RTTN: variants seen among roughly 807,000 people sequenced by gnomAD.
RTTN encodes rotatin.
In RTTN, 182 loss-of-function variants were observed where a neutral mutation model predicts 269.2. The observed-to-expected ratio is 0.68, with a 90% CI of 0.60 to 0.76. The LOEUF (loss-of-function observed/expected upper bound fraction) is 0.76. Among genes scored for constraint, RTTN ranks in the 30% least tolerant of loss-of-function variants. RTTN has a pLI of 0.00. For missense variants in RTTN, 2,545 were observed against 2,608.6 expected (o/e 0.98, Z 0.53); for synonymous variants, 1,006 against 963.5 (o/e 1.04, Z -0.82).
chr18:70,074,119 G>C lies in RTTN; in HGVS notation c.4565-125C>G, dbSNP rs73964495. 9.9e-4 allele frequency: 557 copies of C among 560,696 alleles called. 4 individuals carry two copies. The highest frequency in any genetic ancestry group is 9.8e-3 in the African/African-American group (503 of 51,148). 34.7% of individuals were successfully genotyped at this position (560,696 alleles called of 1,614,324 possible). A position where few individuals can be genotyped will look rare whatever the true frequency, so the allele number is the denominator to read the frequency against. The stretch of plus-strand genomic sequence containing the variant: ...AAAGGAAAAAACTTATATGGATCTG[G>C]CTTCTGAGATAGACCACTATTTAAA... On this transcript the variant is annotated intron_variant, in intron 33 of 48. Coordinates refer to ENST00000640769, the MANE Select transcript of RTTN (RefSeq NM_173630.4).
intron 32 of RTTN, among the ~76,000 whole-genome samples, chr18:70,078,664 C>A (rs1445880928): frequency 6.6e-6 from 1 of 151,648 alleles, no homozygotes; most frequent in African/African-American, 2.4e-5. Flanking sequence ...TCCTGGAAGC[C>A]GAGATAAGAA....
intron 8 of RTTN, among the ~76,000 whole-genome samples, chr18:70,191,393 T>C (rs2061668314): frequency 6.6e-6 from 1 of 152,132 alleles, no homozygotes. Context: ...ACAAAACCAA[T>C]AGTTCATACC....
chr18:70,048,855 TG>T (rs2057570642), intron 39 of RTTN, among the ~76,000 whole-genome samples: 1 of 151,964 alleles, frequency 6.6e-6, no homozygotes, highest in African/African-American at 2.4e-5. Context: ...AGATGGCAAT[TG>T]ATTTAAAAAA....
rs1186744636 is a variant in RTTN, at chr18:70,138,449, T to C, written c.2788+1150A>G. On this transcript the variant is annotated intron_variant, in intron 21 of 48. Transcript: ENST00000640769. ...ATTATATTGCCTTGAAATGTGCTTT[T>C]GAATCCAGTAGGTGTTCATAATAAG... 3 of 152,202 alleles carry C rather than the reference T, an allele frequency of 2.0e-5. No homozygotes were observed. The South Asian group carries it at 6.2e-4, about 31-fold the overall frequency. 9.4% of individuals were successfully genotyped at this position (152,202 alleles called of 1,614,324 possible). A position where few individuals can be genotyped will look rare whatever the true frequency, so the allele number is the denominator to read the frequency against.
chr18:70,074,308 G>A (rs201901658), intron 33 of RTTN, among the ~76,000 whole-genome samples: 1 of 152,186 alleles, frequency 6.6e-6, no homozygotes, highest in Non-Finnish European at 1.5e-5. Context: ...TGCCAATGCT[G>A]TTAGTTTAAG....
chr18:70,030,985 C>T lies in RTTN; in HGVS notation c.5542-4G>A. ...TGGAGGATTTCCCTTCATAGCACTG[C>T]AGAGAATATAAATCAAACTGCCTTG... On this transcript the variant is annotated splice_region_variant and splice_polypyrimidine_tract_variant and intron_variant, in intron 40 of 48. Transcript: ENST00000640769. The T allele has an allele frequency of 6.3e-7, 1 of 1,597,488 alleles. No homozygotes were observed. Among genetic ancestry groups the T allele is most frequent in the Non-Finnish European group, 8.6e-7 (1 of 1,169,180 alleles).
At chr18:70,126,521 T>C (rs915641875) in intron 25 of RTTN, among the ~76,000 whole-genome samples, 1 of 152,120 alleles carries the variant, frequency 6.6e-6, no homozygotes, top group Non-Finnish European at 1.5e-5. Flanking sequence ...TGGTACTCCA[T>C]TGTAGTTATT....
rs1468444712 is a variant in RTTN at position 70,083,892 on chromosome 18, A to G, written c.4374+2721T>C. Among the ~76,000 whole-genome samples, 3 of 125,440 alleles carry G rather than the reference A, an allele frequency of 2.4e-5. No individual in the cohort carries two copies. In the East Asian group the frequency reaches 7.8e-4, roughly 32 times the overall value. 82.3% of individuals were successfully genotyped at this position (125,440 alleles called of 152,430 possible). On this transcript the variant is annotated intron_variant, in intron 32 of 48. Transcript: ENST00000640769. ...AACTCAAGGCCAGCCTGGACAACAC[A>G]GTGAGACCCCATCTTTTTTTTTTTT...
At chr18:70,165,232 G>C (rs997299765) in intron 14 of RTTN, among the ~76,000 whole-genome samples, 1 of 151,716 alleles carries the variant, frequency 6.6e-6, no homozygotes, top group African/African-American at 2.4e-5. Context: ...GAATGAACTA[G>C]GCAAATCTCA....
intron 34 of RTTN, 38 bp downstream of exon 34, chr18:70,073,868 G>T: frequency 6.8e-7 from 1 of 1,477,762 alleles, no homozygotes; most frequent in East Asian, 2.3e-5. Flanking sequence ...TTTTTTCAGA[G>T]ATTCAAAATA....
chr18:70,119,251 T>A (rs717447), intron 26 of RTTN, among the ~76,000 whole-genome samples: 145,640 of 151,978 alleles, frequency 0.96, 70,111 homozygotes, highest in East Asian at 1. Flanking sequence ...CAAAATCAAC[T>A]TATAAAAAAT....
intron 18 of RTTN, 23 bp from the exon 19 acceptor site, chr18:70,142,410 A>C: frequency 3.3e-6 from 4 of 1,222,160 alleles, no homozygotes; most frequent in South Asian, 2.6e-5. Context: ...AAAAAAAAAA[A>C]ACCAAAATTA....
intron 40 of RTTN, among the ~76,000 whole-genome samples, chr18:70,041,557 C>T (rs1012378279): frequency 1.3e-5 from 2 of 152,070 alleles, no homozygotes; most frequent in Non-Finnish European, 2.9e-5. Flanking sequence ...CATCCCTGGA[C>T]GTGAGGATGA....
At chr18:70,079,178 CTA>C (rs968418403) in intron 32 of RTTN, among the ~76,000 whole-genome samples, 2 of 151,810 alleles carry the variant, frequency 1.3e-5, no homozygotes, top group Non-Finnish European at 2.9e-5. Flanking sequence ...GTGAATTTCA[CTA>C]TAAGCTCTAT....
intron 12 of RTTN, 69 bp downstream of exon 12, chr18:70,168,786 G>C: frequency 8.4e-7 from 1 of 1,187,204 alleles, no homozygotes; most frequent in Non-Finnish European, 1.2e-6. Flanking sequence ...CCATCAATTT[G>C]AAAAGTATAG....
intron 14 of RTTN, among the ~76,000 whole-genome samples, chr18:70,165,489 A>G (rs1314629061): frequency 6.6e-6 from 1 of 151,960 alleles, no homozygotes; most frequent in Non-Finnish European, 1.5e-5. Context: ...AAATGTAAAC[A>G]CTTATTATAA....
chr18:70,176,837 T>G lies in RTTN; in HGVS notation c.1314A>C (p.Lys438Asn). 2 of 1,612,718 alleles carry G rather than the reference T, an allele frequency of 1.2e-6. No individual in the cohort carries two copies. The highest frequency in any genetic ancestry group is 1.7e-6 in the Non-Finnish European group (2 of 1,179,308). The change falls in exon 11 of 49, where the codon AAA becomes AAC. Residue 438 changes from lysine (K) to asparagine (N), a missense_variant. Coordinates refer to ENST00000640769, the MANE Select transcript of RTTN (RefSeq NM_173630.4). ...SSLFGIDMKE[K>N]LLLVLGALGE... ...CAAGGGCTCCCAACACCAGGAGTAG[T>G]TTCTCCTTCTGAAAACATTTACACA...
intron 30 of RTTN, 27 bp from the exon 31 acceptor site, chr18:70,088,174 GAATCA>G: frequency 1.9e-6 from 3 of 1,579,332 alleles, no homozygotes; most frequent in Non-Finnish European, 2.6e-6. Context: ...GAAAGTTGTT[GAATCA>G]AATAAGCCTT....
intron 11 of RTTN, among the ~76,000 whole-genome samples, chr18:70,174,554 A>T (rs2061236664): frequency 6.6e-6 from 1 of 152,254 alleles, no homozygotes; most frequent in South Asian, 2.1e-4. Flanking sequence ...AGTGTTATTT[A>T]TCAAAATACC....
Sources: gnomAD v4.1 joint callset for allele counts (sites outside exome capture counted in the v4.1 genomes callset) on GRCh38, gnomAD v4.1.1 for gene constraint, MANE v1.5 for transcripts, NCBI Gene and HGNC (gene_info 2026-07-23, HGNC 2026-07-21) for gene names.